Variants in CRKL observed in about 807,000 individuals in gnomAD.
CRKL encodes CRK like proto-oncogene, adaptor protein, also known as crk-like protein.
A neutral mutation model predicts 23.0 loss-of-function variants in CRKL; 3 were observed. That is an observed-to-expected ratio of 0.13 (90% CI 0.06 to 0.34). The LOEUF (loss-of-function observed/expected upper bound fraction) is 0.34, where lower values mean the gene tolerates loss of function less well. Ranked by LOEUF, CRKL falls within the 10% of genes least tolerant of loss-of-function variation. CRKL has a pLI of 1.00. For synonymous variants in CRKL, 188 were observed against 160.7 expected, an observed-to-expected ratio of 1.17 and a Z score of -1.28; for missense variants, 256 against 394.5, an observed-to-expected ratio of 0.65 and a Z score of 2.97.
At chr22:20,934,805 A>ATTTTTTT (rs67055933) in intron 2 of CRKL, among the ~76,000 whole-genome samples, 1 of 98,528 alleles carries the variant, frequency 1.0e-5, no homozygotes, top group Non-Finnish European at 1.9e-5. Flanking sequence ...AGAGGAATGA[A>ATTTTTTT]TTTTTTTTTT....
rs1222222599 is a variant in CRKL, at chr22:20,950,295, G to A, written c.*450G>A. On this transcript the variant is annotated 3_prime_UTR_variant, in exon 3 of 3. Coordinates refer to ENST00000354336, the MANE Select transcript of CRKL (RefSeq NM_005207.4). ...ACAACAGGAAGTGAACCTTAAGGAA[G>A]AGAGAATTCTGTTCTAAAACTCCAA... is the stretch of plus-strand genomic sequence containing the variant. 4.3e-6 allele frequency: 1 copy of A among 234,336 alleles called. No individual in the cohort carries two copies. Among genetic ancestry groups the A allele is most frequent in the Non-Finnish European group, 8.4e-6 (1 of 119,600 alleles). 14.5% of individuals were successfully genotyped at this position (234,336 alleles called of 1,614,324 possible). A position where few individuals can be genotyped will look rare whatever the true frequency, so the allele number is the denominator to read the frequency against.
intron 2 of CRKL, among the ~76,000 whole-genome samples, chr22:20,938,953 A>T (rs1921761270): frequency 1.3e-5 from 2 of 152,218 alleles, no homozygotes; most frequent in Non-Finnish European, 2.9e-5. Flanking sequence ...CCAGGCTTAC[A>T]AGTGAGACTT....
chr22:20,952,738 A>G lies in CRKL; in HGVS notation c.*2893A>G, dbSNP rs1922325172. The G allele has an allele frequency of 4.3e-6, 1 of 231,862 alleles. No individual in the cohort carries two copies. Among genetic ancestry groups the G allele is most frequent in the East Asian group, 6.1e-5 (1 of 16,378 alleles). 14.4% of individuals were successfully genotyped at this position (231,862 alleles called of 1,614,324 possible). On this transcript the variant is annotated 3_prime_UTR_variant, in exon 3 of 3. Coordinates refer to ENST00000354336, the MANE Select transcript of CRKL (RefSeq NM_005207.4). ...AACTCACTATGGTTTTTCACCTGGG[A>G]AGGAAACAAATTACGTACTAGAGGG...
At chr22:20,924,388 C>T (rs778348563) in intron 1 of CRKL, among the ~76,000 whole-genome samples, 15 of 152,182 alleles carry the variant, frequency 9.9e-5, no homozygotes, top group Non-Finnish European at 2.1e-4. Flanking sequence ...TGTGCCTCCT[C>T]TTTACATCCC....
chr22:20,917,711 C>T lies in CRKL; in HGVS notation c.-224C>T. The T allele has an allele frequency of 3.5e-6, 2 of 575,670 alleles. No homozygotes were observed. The highest frequency in any genetic ancestry group is 3.0e-6 in the Non-Finnish European group (1 of 329,346). 35.7% of individuals were successfully genotyped at this position (575,670 alleles called of 1,614,324 possible). On this transcript the variant is annotated 5_prime_UTR_variant, in exon 1 of 3. Coordinates refer to ENST00000354336, the MANE Select transcript of CRKL (RefSeq NM_005207.4). ...CGACCCCCCGGCTCTGCCGTGCATT[C>T]CCGGGCGGCTCTCTCCGTGTGGCGG...
rs200590760 is a variant in CRKL, at chr22:20,918,012, C to T, written c.78C>T (p.Thr26=). The T allele has an allele frequency of 1.2e-6, 2 of 1,614,202 alleles. No individual in the cohort carries two copies. Among genetic ancestry groups the T allele is most frequent in the Non-Finnish European group, 1.7e-6 (2 of 1,180,036 alleles). The change falls in exon 1 of 3, where the codon ACC becomes ACT. Residue 26 remains threonine (T), a synonymous_variant. Transcript: ENST00000354336. ...CGGTGTCTCGCCAGGAGGCGCAGAC[C>T]CGGCTCCAGGGCCAGCGCCACGGTA... ...MGPVSRQEAQ[T]RLQGQRHGMF...
At chr22:20,943,498 C>G (rs765383720) in intron 2 of CRKL, among the ~76,000 whole-genome samples, 5 of 152,168 alleles carry the variant, frequency 3.3e-5, no homozygotes, top group Non-Finnish European at 7.3e-5. Flanking sequence ...CCTTGGCCTC[C>G]CAAAGTGCCA....
rs557489517 is a variant in CRKL at position 20,936,620 on chromosome 22, G to A, written c.777+2376G>A. 2.6e-3 allele frequency among the ~76,000 whole-genome samples: 391 copies of A among 152,258 alleles called. 1 individual carries two copies. Among genetic ancestry groups the A allele is most frequent in the African/African-American group, 9.1e-3 (379 of 41,560 alleles). ...CCCACCTCGGCCTCCCAAAGTGCTG[G>A]GATTACAGGCGTGAGCTACCATGCC... On this transcript the variant is annotated intron_variant, in intron 2 of 2. Coordinates refer to ENST00000354336, the MANE Select transcript of CRKL (RefSeq NM_005207.4).
At chr22:20,930,671 C>T (rs1026172896) in intron 1 of CRKL, among the ~76,000 whole-genome samples, 3 of 148,098 alleles carry the variant, frequency 2.0e-5, no homozygotes, top group African/African-American at 7.5e-5. Flanking sequence ...TGAGCCACCA[C>T]ACGCCTGGCT....
At chr22:20,948,318 T>G (rs889517587) in intron 2 of CRKL, among the ~76,000 whole-genome samples, 1 of 152,062 alleles carries the variant, frequency 6.6e-6, no homozygotes, top group Non-Finnish European at 1.5e-5. Context: ...TCCTCATTGG[T>G]TTTGAGAGGA....
chr22:20,919,271 T>C (rs1165614344), intron 1 of CRKL, among the ~76,000 whole-genome samples: 3 of 152,042 alleles, frequency 2.0e-5, no homozygotes, highest in South Asian at 2.1e-4. Context: ...TTTTGGAAAA[T>C]TTATTGCATA....
chr22:20,951,579 C>T lies in CRKL; in HGVS notation c.*1734C>T. On this transcript the variant is annotated 3_prime_UTR_variant, in exon 3 of 3. Coordinates refer to ENST00000354336, the MANE Select transcript of CRKL (RefSeq NM_005207.4). ...GAAAAGCCTCAGCTCATAGTGAACA[C>T]AGCAGACCTAGAAATGTAGCAGCAG... is the stretch of plus-strand genomic sequence containing the variant. The T allele has an allele frequency of 4.4e-6, 1 of 225,166 alleles. No individual in the cohort carries two copies. The highest frequency in any genetic ancestry group is 8.8e-6 in the Non-Finnish European group (1 of 113,066). The allele number at this position is 225,166 out of a possible 1,614,324, so 13.9% of individuals were successfully genotyped here.
chr22:20,949,400 C>G (rs778496180), intron 2 of CRKL, among the ~76,000 whole-genome samples: 1 of 152,084 alleles, frequency 6.6e-6, no homozygotes, highest in Non-Finnish European at 1.5e-5. Flanking sequence ...GAGCTGTAAT[C>G]GGGCCACTGC....
rs142209324 is a variant in CRKL, at chr22:20,918,246, G to A, written c.311+1G>A. 3.0e-5 allele frequency: 49 copies of A among 1,613,122 alleles called. No homozygotes were observed. Among genetic ancestry groups the A allele is most frequent in the Non-Finnish European group, 4.0e-5 (47 of 1,179,834 alleles). On this transcript the variant is annotated splice_donor_variant, in intron 1 of 2. Coordinates refer to ENST00000354336, the MANE Select transcript of CRKL (RefSeq NM_005207.4). LOFTEE classifies it high-confidence loss of function. ...CCACCCTCATCGAGCCTGCGCCCAGGTACGCGAGAGCCCTCCCCGACCGCG... is the reference window on the plus strand; with the variant it reads ...CCACCCTCATCGAGCCTGCGCCCAGATACGCGAGAGCCCTCCCCGACCGCG...
rs184024941 is a variant in CRKL at position 20,936,669 on chromosome 22, C to T, written c.777+2425C>T. ...CCTGGCCCTCAAGTTTTTCTTTGGA[C>T]CAGTAGTAGTATCTGAATGAACTGC... On this transcript the variant is annotated intron_variant, in intron 2 of 2. Transcript: ENST00000354336. Among the ~76,000 whole-genome samples the T allele has an allele frequency of 1.5e-3, 223 of 151,732 alleles. 1 individual carries two copies. Among genetic ancestry groups the T allele is most frequent in the Non-Finnish European group, 2.8e-3 (187 of 67,844 alleles).
chr22:20,947,675 C>CTTTTTT (rs1491297940), intron 2 of CRKL, among the ~76,000 whole-genome samples: 6 of 86,050 alleles, frequency 7.0e-5, no homozygotes, highest in South Asian at 4.0e-4. Flanking sequence ...TTCTTTTTTT[C>CTTTTTT]ATTTTTTTTT....
intron 2 of CRKL, among the ~76,000 whole-genome samples, chr22:20,944,160 T>TTTA (rs1555921064): frequency 6.8e-6 from 1 of 146,800 alleles, no homozygotes; most frequent in Admixed American, 6.8e-5. Flanking sequence ...TTTTTTTTTT[T>TTTA]AATTTCTTTT....
At chr22:20,932,001 C>T (rs186371741) in intron 1 of CRKL, among the ~76,000 whole-genome samples, 8 of 151,848 alleles carry the variant, frequency 5.3e-5, no homozygotes, top group East Asian at 1.9e-4. Context: ...TTAGTAGAGA[C>T]GGGGTTTCAC....
chr22:20,934,478 C>G lies in CRKL; in HGVS notation c.777+234C>G, dbSNP rs146919896. 3.2e-3 allele frequency among the ~76,000 whole-genome samples: 487 copies of G among 152,230 alleles called. 4 individuals are homozygous for G. Among genetic ancestry groups the G allele is most frequent in the African/African-American group, 0.011 (464 of 41,544 alleles). On this transcript the variant is annotated intron_variant, in intron 2 of 2. Transcript: ENST00000354336. ...TTCGAGGTCCTGGCCTCAAGCAATC[C>G]TCCTACCTCGACCTCCCAAAGTACT...
Sources: gnomAD v4.1 joint callset for allele counts (sites outside exome capture counted in the v4.1 genomes callset) on GRCh38, gnomAD v4.1.1 for gene constraint, MANE v1.5 for transcripts, NCBI Gene and HGNC (gene_info 2026-07-23, HGNC 2026-07-21) for gene names.